ZNF417: variants seen among roughly 807,000 people sequenced by gnomAD.
ZNF417 encodes the protein zinc finger protein 417.
ZNF417 carries 5 observed loss-of-function variants against 7.4 expected under a neutral mutation model. That is an observed-to-expected ratio of 0.68 (90% CI 0.35 to 1.43). The LOEUF is 1.43. ZNF417 is among the 40% of genes most tolerant of loss of function. The pLI, the probability that ZNF417 is intolerant of heterozygous loss-of-function variation, is 0.04. For synonymous variants in ZNF417, 147 were observed against 239.1 expected (o/e 0.61, Z 3.55); for missense variants, 437 against 697.3 (o/e 0.63, Z 4.20).
In ZNF417 at chr19:57,916,394, C is replaced by A. The variant is rs751012868; in HGVS notation, c.18G>T (p.Pro6=). The A allele has an allele frequency of 1.9e-6, 3 of 1,614,038 alleles. No homozygotes were observed. The highest frequency in any genetic ancestry group is 2.7e-5 in the African/African-American group (2 of 74,954). The change falls in exon 1 of 3, where the codon CCG becomes CCT. Residue 6 remains proline, a synonymous_variant. Transcript: ENST00000312026. MAAAA[P]RRPTQQGTVT... ...CCACAATTACCTGAGTCGGGCGCCT[C>A]GGCGCAGCCGCTGCCATCGGACTAC... is the stretch of plus-strand genomic sequence containing the variant.
intron 1 of ZNF417, chr19:57,915,649 C>CAG: frequency 2.6e-6 from 1 of 381,388 alleles, no homozygotes; most frequent in Middle Eastern, 6.7e-4. Context: ...GGAAGGAATT[C>CAG]AGTTCATGGT....
chr19:57,911,937 C>T (rs1314375293), intron 2 of ZNF417, 123 bp downstream of exon 2: 35 of 1,463,788 alleles, frequency 2.4e-5, no homozygotes, highest in Non-Finnish European at 3.2e-5. Flanking sequence ...ACACAACTTA[C>T]ATAGAGAAGT....
rs762481670 is a variant in ZNF417, at chr19:57,916,413, G to A, written c.-2C>T. 3 of 1,614,128 alleles carry A rather than the reference G, an allele frequency of 1.9e-6. No individual in the cohort carries two copies. Among genetic ancestry groups the A allele is most frequent in the South Asian group, 1.1e-5 (1 of 91,070 alleles). On this transcript the variant is annotated 5_prime_UTR_variant, in exon 1 of 3. Coordinates refer to ENST00000312026, the MANE Select transcript of ZNF417 (RefSeq NM_152475.3). The stretch of plus-strand genomic sequence containing the variant: ...GCGCCTCGGCGCAGCCGCTGCCATC[G>A]GACTACTTGGGGAAGCACGGCCCGG...
At position 57,908,468 on chromosome 19, in the gene ZNF417, A is replaced by G. The variant is rs1439185687; in HGVS notation, c.*82T>C. The G allele has an allele frequency of 4.2e-5, 67 of 1,605,286 alleles. No homozygotes were observed. The highest frequency in any genetic ancestry group is 5.5e-5 in the Non-Finnish European group (65 of 1,173,302). On this transcript the variant is annotated 3_prime_UTR_variant, in exon 3 of 3. Coordinates refer to ENST00000312026, the MANE Select transcript of ZNF417 (RefSeq NM_152475.3). ...GATGTTTCCCAGATTGACAGCACTC[A>G]TAAGGCCTTTCTCCAGTATGAACTC...
rs2071853541 is a variant in ZNF417, at chr19:57,908,167, CTA to C, written c.*381_*382del. Reference sequence around the variant, plus strand: ...CTTAACTGTTTCACTGCCCAGCAATCTATACGTATTGTCACTTGGGGACACTT... The same window carrying C: ...CTTAACTGTTTCACTGCCCAGCAATCTACGTATTGTCACTTGGGGACACTT... On this transcript the variant is annotated 3_prime_UTR_variant, in exon 3 of 3. Coordinates refer to ENST00000312026, the MANE Select transcript of ZNF417 (RefSeq NM_152475.3). 1 of 272,684 alleles carries C rather than the reference CTA, an allele frequency of 3.7e-6. No homozygotes were observed. The highest frequency in any genetic ancestry group is 5.0e-5 in the South Asian group (1 of 20,080). 16.9% of individuals were successfully genotyped at this position (272,684 alleles called of 1,614,324 possible).
rs957080651 is a variant in ZNF417, at chr19:57,916,466, A to C, written c.-55T>G. On this transcript the variant is annotated 5_prime_UTR_variant, in exon 1 of 3. Coordinates refer to ENST00000312026, the MANE Select transcript of ZNF417 (RefSeq NM_152475.3). The stretch of plus-strand genomic sequence containing the variant: ...GCAGTGGTCGCCGTCACGGGGCTGC[A>C]GAGCCGCCTCTGGGCACCGAGGACG... The C allele has an allele frequency of 2.5e-5, 41 of 1,612,654 alleles. No individual in the cohort carries two copies. The highest frequency in any genetic ancestry group is 3.2e-5 in the Non-Finnish European group (38 of 1,179,644).
Position 57,908,727 on chromosome 19 carries a change from T to C in ZNF417, c.1551A>G (p.Gln517=). 6.2e-7 allele frequency: 1 copy of C among 1,614,194 alleles called. No individual in the cohort carries two copies. The highest frequency in any genetic ancestry group is 8.5e-7 in the Non-Finnish European group (1 of 1,180,036). ...CACATTCACTGCACTTATAAGGCTT[T>C]TGTCCAGAATGAACTCTTTTATGAA... ...LHVHKRVHSG[Q]KPYKCSECGK... Residue 517 remains glutamine (Q), a synonymous_variant, in exon 3 of 3, where the codon CAA becomes CAG. Transcript: ENST00000312026.
chr19:57,915,502 AC>A, intron 1 of ZNF417: 1 of 495,918 alleles, frequency 2.0e-6, no homozygotes, highest in Non-Finnish European at 3.7e-6. Flanking sequence ...GGTGTCAGAA[AC>A]AGGTGAAACC....
At chr19:57,913,361 C>T (rs1210665652) in intron 1 of ZNF417, among the ~76,000 whole-genome samples, 2 of 152,226 alleles carry the variant, frequency 1.3e-5, no homozygotes, top group Admixed American at 6.5e-5. Context: ...CACAGAACCA[C>T]ATATGGCTTC....
Position 57,908,929 on chromosome 19 carries a change from T to C in ZNF417, c.1349A>G (p.His450Arg), listed in dbSNP as rs2071864771. ...GTGAACTCTCTCATGAACGAGAAGA[T>C]GATACTTCCTGTTAAATAATTTCCC... ...ECGKLFNRKY[H>R]LLVHERVHTG... Residue 450 changes from histidine (H) to arginine (R), a missense_variant, in exon 3 of 3, where the codon CAT becomes CGT. Transcript: ENST00000312026. The C allele has an allele frequency of 4.3e-6, 7 of 1,613,234 alleles. No homozygotes were observed. The highest frequency in any genetic ancestry group is 5.9e-6 in the Non-Finnish European group (7 of 1,179,442).
At chr19:57,911,919 G>C in intron 2 of ZNF417, 141 bp downstream of exon 2, 1 of 1,404,816 alleles carries the variant, frequency 7.1e-7, no homozygotes, top group Non-Finnish European at 9.4e-7. Context: ...GAAAGGAAAA[G>C]GCAATACACA....
At chr19:57,916,008 A>C (rs765568139) in intron 1 of ZNF417, among the ~76,000 whole-genome samples, 1 of 152,218 alleles carries the variant, frequency 6.6e-6, no homozygotes, top group Non-Finnish European at 1.5e-5. Context: ...AATCCATCTC[A>C]GGTCCCAACC....
intron 2 of ZNF417, 56 bp downstream of exon 2, chr19:57,912,004 A>G: frequency 6.6e-7 from 1 of 1,522,504 alleles, no homozygotes; most frequent in South Asian, 1.3e-5. Context: ...TGTCAATGAA[A>G]AACAGGGGAA....
chr19:57,906,760 C>CAAAAAAAAAAAAAAAAAAAA lies in ZNF417; in HGVS notation c.*1770_*1789dup, dbSNP rs1180110149. 4 of 30,526 alleles carry CAAAAAAAAAAAAAAAAAAAA rather than the reference C, an allele frequency of 1.3e-4. No homozygotes were observed. Among genetic ancestry groups the CAAAAAAAAAAAAAAAAAAAA allele is most frequent in the Admixed American group, 4.5e-4 (1 of 2,202 alleles). The allele number at this position is 30,526 out of a possible 1,614,324, so 1.9% of individuals were successfully genotyped here. A position where few individuals can be genotyped will look rare whatever the true frequency, so the allele number is the denominator to read the frequency against. On this transcript the variant is annotated 3_prime_UTR_variant, in exon 3 of 3. Coordinates refer to ENST00000312026, the MANE Select transcript of ZNF417 (RefSeq NM_152475.3). ...TGGGTGACAGAGTGAGACTCTGTCT[C>CAAAAAAAAAAAAAAAAAAAA]AAAAAAAAAAAAAAAAAAAAATTTA...
chr19:57,909,432 G>C lies in ZNF417; in HGVS notation c.846C>G (p.Ser282Arg). The C allele has an allele frequency of 6.2e-7, 1 of 1,613,924 alleles. No homozygotes were observed. Among genetic ancestry groups the C allele is most frequent in the East Asian group, 2.2e-5 (1 of 44,876 alleles). The change falls in exon 3 of 3, where the codon AGC (serine) becomes AGG (arginine). Residue 282 changes from serine (S) to arginine (R), a missense_variant. This residue lies in a region of ZNF417 where 34 missense variants were observed against 33.3 expected (regional missense o/e 1.02). Coordinates refer to ENST00000312026, the MANE Select transcript of ZNF417 (RefSeq NM_152475.3). ...TGTGGACTCGCTGATGTTGAATAAG[G>C]CTGCTCTTTCGACTATAAGATTTCC... Reference protein sequence around the residue: ...ECGKSYSRKSSLIQHQRVHTG... With the variant: ...ECGKSYSRKSRLIQHQRVHTG...
intron 2 of ZNF417, 85 bp from the exon 3 acceptor site, chr19:57,910,199 G>T (rs2122526252): frequency 6.6e-7 from 1 of 1,521,112 alleles, no homozygotes; most frequent in East Asian, 2.3e-5. Flanking sequence ...CACAAATTGA[G>T]GAATTAATCT....
At chr19:57,910,155 G>A (rs1259310545) in intron 2 of ZNF417, 41 bp from the exon 3 acceptor site, 5 of 1,587,808 alleles carry the variant, frequency 3.1e-6, no homozygotes, top group African/African-American at 1.4e-5. Context: ...AAGTACCTCT[G>A]ACGGGAAGGC....
intron 1 of ZNF417, among the ~76,000 whole-genome samples, chr19:57,913,954 G>A (rs927297616): frequency 2.0e-5 from 3 of 152,116 alleles, no homozygotes; most frequent in African/African-American, 2.4e-5. Context: ...GATGTCTCCA[G>A]TATCAACACC....
rs200803852 is a variant in ZNF417 at position 57,909,403 on chromosome 19, C to A, written c.875G>T (p.Gly292Val). ...SLIQHQRVHT[G>V]KTAYPCEECG... is the part of the protein sequence containing the mutation. The stretch of plus-strand genomic sequence containing the variant: ...CTCCTCACAGGGATAAGCTGTCTTT[C>A]CAGTGTGGACTCGCTGATGTTGAAT... The change falls in exon 3 of 3, where the codon GGA becomes GTA. Residue 292 changes from glycine to valine, a missense_variant. Gly to Val is a moderately radical substitution (Grantham distance 109). Around this residue, in one of 5 missense-constraint regions of ZNF417, gnomAD observed 34 missense variants for 33.3 expected, o/e 1.02. Transcript: ENST00000312026. The A allele has an allele frequency of 1.9e-6, 3 of 1,614,062 alleles. No homozygotes were observed. The South Asian group carries it at 3.3e-5, about 18-fold the overall frequency.
Sources: gnomAD v4.1 joint callset for allele counts (sites outside exome capture counted in the v4.1 genomes callset) on GRCh38, gnomAD v4.1.1 for gene constraint, gnomAD v4.1.1 regional missense constraint, MANE v1.5 for transcripts, NCBI Gene and HGNC (gene_info 2026-07-23, HGNC 2026-07-21) for gene names.